The following TSPAN5 variants were observed in gnomAD, a reference collection of about 807,000 sequenced individuals.
The protein encoded by TSPAN5 is tetraspanin 5.
A neutral mutation model predicts 37.1 loss-of-function variants in TSPAN5; 10 were observed. That is an observed-to-expected ratio of 0.27 (90% CI 0.17 to 0.46). The LOEUF is 0.46. TSPAN5 is among the 20% of genes least tolerant of loss of function. The pLI is 1.00. For missense variants in TSPAN5, 195 were observed against 326.6 expected (o/e 0.60, Z 3.11); for synonymous variants, 110 against 118.9 (o/e 0.93, Z 0.48).
At chr4:98,491,706 G>C (rs1327921429) in intron 2 of TSPAN5, among the ~76,000 whole-genome samples, 2 of 151,812 alleles carry the variant, frequency 1.3e-5, no homozygotes, top group Non-Finnish European at 2.9e-5. Flanking sequence ...AAAAAGGTGG[G>C]GGGGAACATA....
chr4:98,635,254 G>A (rs1342172073), intron 1 of TSPAN5, among the ~76,000 whole-genome samples: 1 of 152,184 alleles, frequency 6.6e-6, no homozygotes, highest in Non-Finnish European at 1.5e-5. Flanking sequence ...GGCAAAGCTT[G>A]GGATAAAACC....
At chr4:98,610,347 GT>G (rs1756152086) in intron 1 of TSPAN5, among the ~76,000 whole-genome samples, 1 of 152,166 alleles carries the variant, frequency 6.6e-6, no homozygotes, top group Admixed American at 6.5e-5. Context: ...TCCCATCACG[GT>G]TACACTGGGG....
chr4:98,637,613 T>C (rs1756884851), intron 1 of TSPAN5, among the ~76,000 whole-genome samples: 1 of 152,182 alleles, frequency 6.6e-6, no homozygotes, highest in Non-Finnish European at 1.5e-5. Context: ...AATTATTATA[T>C]AGATATATTA....
intron 1 of TSPAN5, among the ~76,000 whole-genome samples, chr4:98,653,099 C>T (rs148798857): frequency 0.013 from 2,026 of 152,266 alleles, 35 homozygotes; most frequent in Non-Finnish European, 0.017. Context: ...TAATTCAAAA[C>T]GCAATTTAGA....
intron 7 of TSPAN5, among the ~76,000 whole-genome samples, chr4:98,472,830 A>G (rs1357746299): frequency 2.0e-5 from 3 of 152,202 alleles, no homozygotes; most frequent in African/African-American, 7.2e-5. Context: ...TGTACCTGTG[A>G]GCAGTCATTC....
intron 1 of TSPAN5, among the ~76,000 whole-genome samples, chr4:98,541,999 C>T (rs1160129412): frequency 2.6e-5 from 4 of 152,294 alleles, no homozygotes; most frequent in South Asian, 2.1e-4. Context: ...TCATTTCCTT[C>T]GCAAAACATA....
intron 1 of TSPAN5, among the ~76,000 whole-genome samples, chr4:98,532,631 C>T (rs1242873186): frequency 1.4e-5 from 2 of 145,138 alleles, no homozygotes; most frequent in African/African-American, 2.6e-5. Context: ...CATCTGAAAA[C>T]AGGGACAATT....
At chr4:98,602,853 G>A (rs114280689) in intron 1 of TSPAN5, among the ~76,000 whole-genome samples, 104 of 152,226 alleles carry the variant, frequency 6.8e-4, no homozygotes, top group African/African-American at 2.5e-3. Context: ...TTCCAAACAG[G>A]CTCCTAACAC....
chr4:98,480,749 AT>A (rs1160970013), intron 4 of TSPAN5, among the ~76,000 whole-genome samples: 1 of 152,184 alleles, frequency 6.6e-6, no homozygotes, highest in Admixed American at 6.5e-5. Flanking sequence ...GTCAGGAATA[AT>A]GCCAGGAAAG....
intron 1 of TSPAN5, among the ~76,000 whole-genome samples, chr4:98,548,011 C>CAAAAA (rs535093440): frequency 3.4e-5 from 3 of 89,278 alleles, no homozygotes; most frequent in African/African-American, 1.3e-4. Context: ...GACTCTGTCT[C>CAAAAA]AAAAAAAAAA....
chr4:98,530,580 G>A (rs1397135515), intron 1 of TSPAN5, among the ~76,000 whole-genome samples: 3 of 152,150 alleles, frequency 2.0e-5, no homozygotes, highest in Non-Finnish European at 2.9e-5. Context: ...ATTGGACTTG[G>A]GAATAAGGGA....
intron 1 of TSPAN5, among the ~76,000 whole-genome samples, chr4:98,561,889 C>T (rs532332542): frequency 3.3e-5 from 5 of 152,312 alleles, no homozygotes; most frequent in East Asian, 3.9e-4. Flanking sequence ...ACTACACCGT[C>T]GCTGCGTCCT....
chr4:98,542,719 TA>T (rs11326064), intron 1 of TSPAN5, among the ~76,000 whole-genome samples: 65,897 of 101,754 alleles, frequency 0.65, 20,795 homozygotes, highest in African/African-American at 0.74. Flanking sequence ...CTCATCTCTT[TA>T]AAAAAAAAAA....
chr4:98,519,837 C>T (rs1193724903), intron 1 of TSPAN5, among the ~76,000 whole-genome samples: 1 of 152,178 alleles, frequency 6.6e-6, no homozygotes, highest in Non-Finnish European at 1.5e-5. Context: ...CAGGTTCCAC[C>T]ATTACTGGCT....
intron 4 of TSPAN5, among the ~76,000 whole-genome samples, chr4:98,479,877 AC>A (rs1176150067): frequency 6.6e-6 from 1 of 152,186 alleles, no homozygotes; most frequent in Non-Finnish European, 1.5e-5. Context: ...TGTATACTGT[AC>A]TTTTGCATAC....
chr4:98,563,818 T>G (rs1229594303), intron 1 of TSPAN5, among the ~76,000 whole-genome samples: 3 of 152,176 alleles, frequency 2.0e-5, no homozygotes, highest in African/African-American at 7.2e-5. Flanking sequence ...CGATAACATC[T>G]GGAGACATCT....
In TSPAN5 at chr4:98,658,356, G is replaced by A. The variant is rs1435623018; in HGVS notation, c.-130C>T. ...ACGGGGCCGCGGCGCTGGCGGCCTG[G>A]GCTCAGCCGCGCGGGGACCGACCGG... On this transcript the variant is annotated 5_prime_UTR_variant, in exon 1 of 8. Transcript: ENST00000305798. 1.4e-6 allele frequency: 1 copy of A among 715,346 alleles called. No homozygotes were observed. 44.3% of individuals were successfully genotyped at this position (715,346 alleles called of 1,614,324 possible).
chr4:98,648,644 G>C (rs1478611952), intron 1 of TSPAN5, among the ~76,000 whole-genome samples: 1 of 152,204 alleles, frequency 6.6e-6, no homozygotes, highest in African/African-American at 2.4e-5. Flanking sequence ...AAAATTCCAT[G>C]AGGGATAAAA....
At chr4:98,529,546 C>A (rs1438742103) in intron 1 of TSPAN5, among the ~76,000 whole-genome samples, 1 of 152,200 alleles carries the variant, frequency 6.6e-6, no homozygotes, top group Admixed American at 6.5e-5. Context: ...AACACCATAT[C>A]GTCACTTTCC....
Sources: gnomAD v4.1 joint callset for allele counts (sites outside exome capture counted in the v4.1 genomes callset) on GRCh38, gnomAD v4.1.1 for gene constraint, MANE v1.5 for transcripts, NCBI Gene and HGNC (gene_info 2026-07-23, HGNC 2026-07-21) for gene names.